PCDH17: variants seen among roughly 807,000 people sequenced by gnomAD.
The protein encoded by PCDH17 is protocadherin-17.
PCDH17 carries 21 observed loss-of-function variants against 67.7 expected under a neutral mutation model. The ratio of observed to expected loss-of-function variants is 0.31; its 90% CI spans 0.22 to 0.45. The LOEUF is 0.45. Among genes scored for constraint, PCDH17 ranks in the 20% least tolerant of loss-of-function variants. The probability of loss-of-function intolerance (pLI) is 1.00; values close to 1 mark genes in which losing one functional copy is unlikely to be tolerated. For missense variants in PCDH17, 1,471 were observed against 1,564.8 expected, an observed-to-expected ratio of 0.94 and a Z score of 1.01; for synonymous variants, 701 against 656.7, an observed-to-expected ratio of 1.07 and a Z score of -1.03.
In PCDH17 at chr13:57,652,138, C is replaced by T. The variant is rs1454120303; in HGVS notation, c.2566-14330C>T. 3.3e-5 allele frequency among the ~76,000 whole-genome samples: 5 copies of T among 151,596 alleles called. No homozygotes were observed. The East Asian group carries it at 7.8e-4, about 24-fold the overall frequency. ...CTAAAAATACAAAAAATTAGCCGGGCGCGGTGGCGGGCGCCTGTAGTCCCA... is the reference window on the plus strand; with the variant it reads ...CTAAAAATACAAAAAATTAGCCGGGTGCGGTGGCGGGCGCCTGTAGTCCCA... On this transcript the variant is annotated intron_variant, in intron 1 of 3. Coordinates refer to ENST00000377918, the MANE Select transcript of PCDH17 (RefSeq NM_001040429.3).
chr13:57,727,898 A>G lies in PCDH17; in HGVS notation c.*2604A>G, dbSNP rs1955926609. ...GAAACCAGCAAAGAGAGTAGGGTTT[A>G]TTTTATAAACATTCTTAATGCTAAG... On this transcript the variant is annotated 3_prime_UTR_variant, in exon 4 of 4. Transcript: ENST00000377918. 1 of 152,568 alleles carries G rather than the reference A, an allele frequency of 6.6e-6. No homozygotes were observed. Among genetic ancestry groups the G allele is most frequent in the Non-Finnish European group, 1.5e-5 (1 of 67,988 alleles). 9.5% of individuals were successfully genotyped at this position (152,568 alleles called of 1,614,324 possible).
Position 57,725,183 on chromosome 13 carries a change from C to T in PCDH17, c.3369C>T (p.His1123=), listed in dbSNP as rs776445871. The T allele has an allele frequency of 4.3e-6, 7 of 1,614,072 alleles. No homozygotes were observed. The highest frequency in any genetic ancestry group is 1.1e-5 in the South Asian group (1 of 91,082). Residue 1123 remains histidine (H), a synonymous_variant, in exon 4 of 4, where the codon CAC becomes CAT. Transcript: ENST00000377918. ...GTGCTGTTCTTGAGCAGCTTGACCA[C>T]CCCAACAGGGATCTGGGCAGAGAGT... ...EMGAVLEQLD[H]PNRDLGRESV... is the part of the protein sequence containing the mutation.
rs568579189 is a variant in PCDH17 at position 57,632,684 on chromosome 13, T to G, written c.138T>G (p.Pro46=). 56 of 1,611,632 alleles carry G rather than the reference T, an allele frequency of 3.5e-5. 1 individual carries two copies. The South Asian group carries it at 5.9e-4, about 17-fold the overall frequency. Residue 46 remains proline (P), a synonymous_variant, in exon 1 of 4, where the codon CCT becomes CCG. Coordinates refer to ENST00000377918, the MANE Select transcript of PCDH17 (RefSeq NM_001040429.3). The part of the protein sequence containing the change: ...GNIGRDARLQ[P]GLPPAERGGG... ...TCGGCAGGGATGCTCGACTGCAGCC[T>G]GGGCTTCCGCCTGCAGAGCGCGGCG...
rs904892867 is a variant in PCDH17 at position 57,727,595 on chromosome 13, C to T, written c.*2301C>T. ...GTTCCTAGTAACAGCCTTTCCAAAG[C>T]TCTACTCTTGGTTTTTATTACTCAT... On this transcript the variant is annotated 3_prime_UTR_variant, in exon 4 of 4. Transcript: ENST00000377918. The T allele has an allele frequency of 6.6e-6, 1 of 152,080 alleles. No homozygotes were observed. The highest frequency in any genetic ancestry group is 1.5e-5 in the Non-Finnish European group (1 of 67,994). The allele number at this position is 152,080 out of a possible 1,614,324, so 9.4% of individuals were successfully genotyped here.
At chr13:57,706,623 C>T (rs1371080564) in intron 3 of PCDH17, among the ~76,000 whole-genome samples, 2 of 152,110 alleles carry the variant, frequency 1.3e-5, no homozygotes, top group African/African-American at 4.8e-5. Flanking sequence ...TTCATCCCAT[C>T]TCTGTCCTTT....
chr13:57,710,059 T>C (rs1016023048), intron 3 of PCDH17, among the ~76,000 whole-genome samples: 1 of 151,880 alleles, frequency 6.6e-6, no homozygotes, highest in African/African-American at 2.4e-5. Flanking sequence ...ATTTTGAAAA[T>C]TCTACCACTT....
At chr13:57,715,405 T>G (rs1337950383) in intron 3 of PCDH17, among the ~76,000 whole-genome samples, 1 of 151,822 alleles carries the variant, frequency 6.6e-6, no homozygotes, top group Non-Finnish European at 1.5e-5. Flanking sequence ...GTACATTGAG[T>G]GTGTCATATA....
At chr13:57,720,872 T>A (rs1955866776) in intron 3 of PCDH17, among the ~76,000 whole-genome samples, 1 of 152,080 alleles carries the variant, frequency 6.6e-6, no homozygotes, top group Admixed American at 6.6e-5. Flanking sequence ...CTAATTAAGG[T>A]TACTGCATTT....
intron 3 of PCDH17, among the ~76,000 whole-genome samples, chr13:57,696,185 A>AT (rs1955607328): frequency 6.6e-6 from 1 of 151,436 alleles, no homozygotes; most frequent in African/African-American, 2.4e-5. Flanking sequence ...TACTACCTTG[A>AT]TTTTCCAAAC....
intron 3 of PCDH17, among the ~76,000 whole-genome samples, chr13:57,683,962 A>C (rs149160660): frequency 1.3e-5 from 2 of 152,064 alleles, no homozygotes; most frequent in East Asian, 3.9e-4. Flanking sequence ...GAATAGCAGC[A>C]AATTACTCAC....
At chr13:57,683,668 A>G (rs1483419378) in intron 3 of PCDH17, among the ~76,000 whole-genome samples, 2 of 151,840 alleles carry the variant, frequency 1.3e-5, no homozygotes, top group East Asian at 3.9e-4. Flanking sequence ...GAGTAAATAT[A>G]ATAAGGACCT....
At chr13:57,719,319 A>G (rs1221670437) in intron 3 of PCDH17, among the ~76,000 whole-genome samples, 1 of 152,076 alleles carries the variant, frequency 6.6e-6, no homozygotes, top group Non-Finnish European at 1.5e-5. Context: ...GTTGACAATC[A>G]TAAAGCACAG....
rs1954793094 is a variant in PCDH17, at chr13:57,634,620, G to A, written c.2074G>A (p.Val692Ile). ...GGTGAGCGGATCCCTTCCCGAGGGG[G>A]TACCACGGGTGAATGGCGAGCAGCA... ...RSVSGSLPEG[V>I]PRVNGEQHHW... is the part of the protein sequence containing the mutation. Residue 692 changes from valine (V) to isoleucine (I), a missense_variant, in exon 1 of 4, where the codon GTA becomes ATA. Val to Ile is a conservative substitution (Grantham distance 29, BLOSUM62 3). Transcript: ENST00000377918. The surrounding 1 kb of genome is among the most constrained non-coding windows in gnomAD (Gnocchi z 7.8). 3.7e-6 allele frequency: 6 copies of A among 1,613,404 alleles called. No homozygotes were observed. Among genetic ancestry groups the A allele is most frequent in the East Asian group, 2.2e-5 (1 of 44,818 alleles).
intron 3 of PCDH17, among the ~76,000 whole-genome samples, chr13:57,669,456 A>C (rs1282044412): frequency 6.7e-6 from 1 of 149,704 alleles, no homozygotes; most frequent in Non-Finnish European, 1.5e-5. Flanking sequence ...TTCTTTGTCT[A>C]CTTCTCATCT....
chr13:57,649,541 C>G (rs548909937), intron 1 of PCDH17, among the ~76,000 whole-genome samples: 1 of 152,258 alleles, frequency 6.6e-6, no homozygotes, highest in Middle Eastern at 3.4e-3. Flanking sequence ...TTACAAATAT[C>G]CCTTTCAGCA....
At chr13:57,665,718 TG>T (rs1237847502) in intron 1 of PCDH17, among the ~76,000 whole-genome samples, 11 of 152,188 alleles carry the variant, frequency 7.2e-5, no homozygotes, top group Non-Finnish European at 1.6e-4. Flanking sequence ...CAGTTCTTTT[TG>T]GCAGACCTCC....
intron 3 of PCDH17, among the ~76,000 whole-genome samples, chr13:57,693,827 A>G (rs1342968599): frequency 6.6e-6 from 1 of 150,902 alleles, no homozygotes; most frequent in Non-Finnish European, 1.5e-5. Flanking sequence ...TTCTTTTTAA[A>G]TTTTTCAAAC....
At position 57,725,405 on chromosome 13, in the gene PCDH17, T is replaced by C. The variant is rs1457345071; in HGVS notation, c.*111T>C. On this transcript the variant is annotated 3_prime_UTR_variant, in exon 4 of 4. Transcript: ENST00000377918. Reference sequence around the variant, plus strand: ...AGGGATGAAGAAAGACCAATGCTGCTTTAAGGCTTTTAGTGAACATCTGAA... The same window carrying C: ...AGGGATGAAGAAAGACCAATGCTGCCTTAAGGCTTTTAGTGAACATCTGAA... The C allele has an allele frequency of 1.1e-6, 1 of 899,186 alleles. No homozygotes were observed. The highest frequency in any genetic ancestry group is 1.7e-6 in the Non-Finnish European group (1 of 599,940). The allele number at this position is 899,186 out of a possible 1,614,324, so 55.7% of individuals were successfully genotyped here.
intron 1 of PCDH17, among the ~76,000 whole-genome samples, chr13:57,643,650 T>G (rs1954930494): frequency 6.6e-6 from 1 of 151,640 alleles, no homozygotes; most frequent in Non-Finnish European, 1.5e-5. Context: ...AGAGCAGTTA[T>G]AAGTCATACA....
Sources: gnomAD v4.1 joint callset for allele counts (sites outside exome capture counted in the v4.1 genomes callset) on GRCh38, gnomAD v4.1.1 for gene constraint, Gnocchi (gnomAD v3.1) non-coding constraint, MANE v1.5 for transcripts, NCBI Gene and HGNC (gene_info 2026-07-23, HGNC 2026-07-21) for gene names.